The following SH3GL2 variants were observed in gnomAD, a reference collection of about 807,000 sequenced individuals.
SH3GL2 encodes endophilin-A1.
In SH3GL2, 24 loss-of-function variants were observed where a neutral mutation model predicts 46.0. The observed-to-expected ratio is 0.52, with a 90% CI of 0.38 to 0.73. The LOEUF is 0.73. Ranked by LOEUF, SH3GL2 falls within the 30% of genes least tolerant of loss-of-function variation. The pLI is 0.00. For synonymous variants in SH3GL2, 196 were observed against 147.1 expected (o/e 1.33, Z -2.40); for missense variants, 413 against 424.2 (o/e 0.97, Z 0.23).
At position 17,793,390 on chromosome 9, in the gene SH3GL2, C is replaced by G; in HGVS notation, c.752C>G (p.Pro251Arg). Residue 251 changes from proline to arginine, a missense_variant, in exon 8 of 9, where the codon CCT becomes CGT. By Grantham distance (103) the Pro-to-Arg change is moderately radical. Transcript: ENST00000380607. ...EERIRQASSQ[P>R]RREYQPKPRM... ...AGAATAAGACAGGCTTCATCTCAGC[C>G]TAGAAGGGAATATCAACCTAAACCA... 6.2e-7 allele frequency: 1 copy of G among 1,613,078 alleles called. No individual in the cohort carries two copies. Among genetic ancestry groups the G allele is most frequent in the Non-Finnish European group, 8.5e-7 (1 of 1,179,464 alleles).
At position 17,644,624 on chromosome 9, in the gene SH3GL2, C is replaced by T. The variant is rs141583414; in HGVS notation, c.45+65337C>T. On this transcript the variant is annotated intron_variant, in intron 1 of 8. Coordinates refer to ENST00000380607, the MANE Select transcript of SH3GL2 (RefSeq NM_003026.5). ...GCAGGTTGTTCAGTTTTCATGTAGT[C>T]GTGCGGTTTTGAGTGAGTTTCTTCA... 2.5e-3 allele frequency among the ~76,000 whole-genome samples: 377 copies of T among 152,144 alleles called. 3 individuals are homozygous for T. The highest frequency in any genetic ancestry group is 3.3e-3 in the Non-Finnish European group (221 of 67,978).
At chr9:17,630,505 G>T (rs1189767897) in intron 1 of SH3GL2, 2 of 152,236 alleles carry the variant, frequency 1.3e-5, no homozygotes, top group African/African-American at 4.8e-5. Context: ...GTGATCACGC[G>T]TATCAATGCT....
rs41298169 is a variant in SH3GL2 at position 17,761,569 on chromosome 9, A to G, written c.187+60A>G. On this transcript the variant is annotated intron_variant, in intron 3 of 8. Coordinates refer to ENST00000380607, the MANE Select transcript of SH3GL2 (RefSeq NM_003026.5). ...CGAGGTAACTTTTAGTTTCTCTTTG[A>G]TAGACATTTTAAGTTTGGTGTGTTT... 8.2e-3 allele frequency: 8,457 copies of G among 1,032,354 alleles called. 40 individuals carry two copies. The highest frequency in any genetic ancestry group is 0.011 in the Non-Finnish European group (7,383 of 648,628). The allele number at this position is 1,032,354 out of a possible 1,614,324, so 63.9% of individuals were successfully genotyped here. A position where few individuals can be genotyped will look rare whatever the true frequency, so the allele number is the denominator to read the frequency against.
At chr9:17,696,391 A>G (rs1170689045) in intron 1 of SH3GL2, among the ~76,000 whole-genome samples, 4 of 152,214 alleles carry the variant, frequency 2.6e-5, no homozygotes, top group Admixed American at 2.0e-4. Context: ...GCAGACAAAT[A>G]ATCACTTTAC....
chr9:17,689,543 A>G (rs1821018142), intron 1 of SH3GL2, among the ~76,000 whole-genome samples: 1 of 152,052 alleles, frequency 6.6e-6, no homozygotes, highest in Non-Finnish European at 1.5e-5. Flanking sequence ...ACCATAGCCT[A>G]CAAGGCCCCA....
intron 1 of SH3GL2, 148 bp from the exon 2 acceptor site, chr9:17,746,918 T>A: frequency 1.7e-6 from 1 of 600,418 alleles, no homozygotes; most frequent in Non-Finnish European, 2.9e-6. Context: ...AGCCACAGTT[T>A]GCTGCTATAA....
intron 1 of SH3GL2, among the ~76,000 whole-genome samples, chr9:17,743,536 C>T (rs1396786284): frequency 6.7e-6 from 1 of 149,754 alleles, no homozygotes; most frequent in Non-Finnish European, 1.5e-5. Context: ...CCTCCTTCTT[C>T]CTTTCCCTCT....
intron 5 of SH3GL2, 84 bp from the exon 6 acceptor site, chr9:17,789,308 T>C: frequency 9.0e-7 from 1 of 1,108,414 alleles, no homozygotes; most frequent in Non-Finnish European, 1.3e-6. Flanking sequence ...ATTTGGAAGT[T>C]AATGGACGTG....
intron 1 of SH3GL2, among the ~76,000 whole-genome samples, chr9:17,734,149 G>T (rs1588284701): frequency 6.6e-6 from 1 of 152,044 alleles, no homozygotes; most frequent in Non-Finnish European, 1.5e-5. Context: ...ACATTATTTT[G>T]CTTTTCAAGA....
intron 1 of SH3GL2, among the ~76,000 whole-genome samples, chr9:17,675,655 G>T (rs974734170): frequency 6.6e-6 from 1 of 152,156 alleles, no homozygotes; most frequent in African/African-American, 2.4e-5. Flanking sequence ...TGATAAACAT[G>T]CTAATGCCAG....
intron 1 of SH3GL2, among the ~76,000 whole-genome samples, chr9:17,666,424 G>C (rs895273632): frequency 4.6e-5 from 7 of 151,894 alleles, no homozygotes; most frequent in Non-Finnish European, 8.8e-5. Flanking sequence ...TCCCACCCTA[G>C]TTCCTGTTAC....
chr9:17,710,837 A>G (rs1022104743), intron 1 of SH3GL2, among the ~76,000 whole-genome samples: 1 of 151,952 alleles, frequency 6.6e-6, no homozygotes, highest in Non-Finnish European at 1.5e-5. Context: ...CTTATCTGCA[A>G]GGGGTATGTT....
intron 2 of SH3GL2, among the ~76,000 whole-genome samples, chr9:17,751,248 G>C (rs911280183): frequency 6.6e-5 from 10 of 152,148 alleles, no homozygotes; most frequent in African/African-American, 2.4e-4. Flanking sequence ...GAGAGTAAGA[G>C]AGGATTATTG....
chr9:17,615,744 C>T (rs914795227), intron 1 of SH3GL2, among the ~76,000 whole-genome samples: 2 of 147,304 alleles, frequency 1.4e-5, no homozygotes, highest in Admixed American at 6.7e-5. Context: ...AAAAAAAAAA[C>T]CCACACTACT....
intron 1 of SH3GL2, among the ~76,000 whole-genome samples, chr9:17,659,433 T>C (rs564629106): frequency 6.6e-6 from 1 of 152,232 alleles, no homozygotes; most frequent in African/African-American, 2.4e-5. Context: ...ATGTCAGCCA[T>C]TGAAGTAAGT....
At chr9:17,605,944 A>G (rs973083373) in intron 1 of SH3GL2, among the ~76,000 whole-genome samples, 2 of 152,150 alleles carry the variant, frequency 1.3e-5, no homozygotes, top group African/African-American at 4.8e-5. Flanking sequence ...ATCAAAGTCA[A>G]CACGTTATTT....
chr9:17,784,955 C>G (rs1377051611), intron 3 of SH3GL2, among the ~76,000 whole-genome samples: 1 of 152,172 alleles, frequency 6.6e-6, no homozygotes, highest in Non-Finnish European at 1.5e-5. Context: ...TCAAATGATC[C>G]TCCTGCTTTG....
intron 1 of SH3GL2, among the ~76,000 whole-genome samples, chr9:17,645,301 C>T (rs113291822): frequency 6.6e-6 from 1 of 151,728 alleles, no homozygotes; most frequent in African/African-American, 2.4e-5. Flanking sequence ...ATACAACACA[C>T]CGATGGGTCT....
At chr9:17,622,520 G>A (rs1400559670) in intron 1 of SH3GL2, among the ~76,000 whole-genome samples, 1 of 152,020 alleles carries the variant, frequency 6.6e-6, no homozygotes, top group African/African-American at 2.4e-5. Context: ...CAGATTCGGC[G>A]CCACCTGTGG....
Sources: gnomAD v4.1 joint callset for allele counts (sites outside exome capture counted in the v4.1 genomes callset) on GRCh38, gnomAD v4.1.1 for gene constraint, MANE v1.5 for transcripts, NCBI Gene and HGNC (gene_info 2026-07-23, HGNC 2026-07-21) for gene names.